CNBD1: variants seen among roughly 807,000 people sequenced by gnomAD.
CNBD1 encodes cyclic nucleotide binding domain containing 1.
Under a neutral mutation model 54.4 loss-of-function variants are expected in CNBD1, and 71 were observed. The observed-to-expected ratio is 1.30, with a 90% confidence interval of 1.08 to 1.59. CNBD1 has a LOEUF of 1.59. CNBD1 is among the 40% of genes most tolerant of loss of function. The probability of loss-of-function intolerance (pLI) is 0.00; values close to 1 mark genes in which losing one functional copy is unlikely to be tolerated. For missense variants in CNBD1, 659 were observed against 518.0 expected, an observed-to-expected ratio of 1.27 and a Z score of -2.64; for synonymous variants, 182 against 170.7, an observed-to-expected ratio of 1.07 and a Z score of -0.51.
chr8:87,428,297 A>G (rs564025181), intron 2 of CNBD1, among the ~76,000 whole-genome samples: 1 of 152,296 alleles, frequency 6.6e-6, no homozygotes, highest in African/African-American at 2.4e-5. Flanking sequence ...GTTAAGTACT[A>G]AACAATTTCC....
rs1312284487 is a variant in CNBD1, at chr8:87,377,149, T to C, written c.1304-5471T>C. Among the ~76,000 whole-genome samples the C allele has an allele frequency of 4.0e-5, 6 of 149,440 alleles. No individual in the cohort carries two copies. The East Asian group carries it at 9.8e-4, about 24-fold the overall frequency. On this transcript the variant is annotated intron_variant, in intron 10 of 10. Coordinates refer to ENST00000518476, the MANE Select transcript of CNBD1 (RefSeq NM_173538.3). ...TTTATTTTATTTATTTTTTTATGAT[T>C]ATTATTTATATTATTATTATACTTT...
intron 4 of CNBD1, among the ~76,000 whole-genome samples, chr8:86,976,556 T>G (rs1026711510): frequency 5.9e-5 from 9 of 152,052 alleles, no homozygotes; most frequent in Non-Finnish European, 1.0e-4. Context: ...GAATAGTTTT[T>G]TTCTATTTCT....
At chr8:87,010,196 A>G (rs1809185796) in intron 4 of CNBD1, among the ~76,000 whole-genome samples, 1 of 152,106 alleles carries the variant, frequency 6.6e-6, no homozygotes, top group Non-Finnish European at 1.5e-5. Context: ...CTTCTCAAAT[A>G]TTCTTCCTAC....
At chr8:87,342,673 G>C (rs1014872972) in intron 8 of CNBD1, among the ~76,000 whole-genome samples, 8 of 151,996 alleles carry the variant, frequency 5.3e-5, no homozygotes, top group Admixed American at 5.2e-4. Context: ...ATATTGGTAG[G>C]GCCGTGATGG....
intron 1 of CNBD1, among the ~76,000 whole-genome samples, chr8:86,884,073 A>C (rs1397017305): frequency 5.3e-5 from 8 of 150,342 alleles, no homozygotes; most frequent in Non-Finnish European, 1.2e-4. Flanking sequence ...AATGGCGTGA[A>C]CCCGGGAGGC....
In CNBD1 at chr8:87,281,370, C is replaced by A. The variant is rs372954912; in HGVS notation, c.772-3308C>A. Among the ~76,000 whole-genome samples the A allele has an allele frequency of 2.0e-5, 3 of 151,026 alleles. No homozygotes were observed. In the East Asian group the frequency reaches 5.9e-4, roughly 29 times the overall value. ...CATCACTATCCCCTGAACATATGAACCATATCAGCCTGACATGTATGCTTG... is the reference window on the plus strand; with the variant it reads ...CATCACTATCCCCTGAACATATGAAACATATCAGCCTGACATGTATGCTTG... On this transcript the variant is annotated intron_variant, in intron 6 of 10. Transcript: ENST00000518476.
chr8:87,266,130 A>T (rs886316736), intron 6 of CNBD1, among the ~76,000 whole-genome samples: 6 of 152,032 alleles, frequency 3.9e-5, no homozygotes, highest in Non-Finnish European at 8.8e-5. Context: ...GAAACATTCA[A>T]TATCTTAAAG....
intron 4 of CNBD1, among the ~76,000 whole-genome samples, chr8:87,132,970 C>A (rs2130728630): frequency 6.6e-6 from 1 of 151,376 alleles, no homozygotes; most frequent in South Asian, 2.1e-4. Flanking sequence ...CTAAATTGAA[C>A]AATATTTATT....
At chr8:87,260,652 G>A (rs536285492) in intron 6 of CNBD1, among the ~76,000 whole-genome samples, 97 of 152,070 alleles carry the variant, frequency 6.4e-4, no homozygotes, top group African/African-American at 2.2e-3. Flanking sequence ...CAGGTTTCTG[G>A]GTTTTCTTTC....
At chr8:86,951,581 CAAAAAAAAAAAAAAA>C (rs71275901) in intron 4 of CNBD1, among the ~76,000 whole-genome samples, 1,008 of 37,260 alleles carry the variant, frequency 0.027, 5 homozygotes, top group African/African-American at 0.064. Flanking sequence ...CTCCGTCTCA[CAAAAAAAAAAAAAAA>C]AAAAAAAAAA....
At chr8:87,293,285 C>T (rs1226033169) in intron 8 of CNBD1, among the ~76,000 whole-genome samples, 11 of 152,020 alleles carry the variant, frequency 7.2e-5, no homozygotes, top group Non-Finnish European at 1.6e-4. Flanking sequence ...TGGCTCACAC[C>T]CATATCCTGG....
chr8:87,048,187 G>A (rs1810240523), intron 4 of CNBD1, among the ~76,000 whole-genome samples: 1 of 152,076 alleles, frequency 6.6e-6, no homozygotes, highest in South Asian at 2.1e-4. Context: ...AAGTCTTCTG[G>A]GTTAAATAAG....
intron 10 of CNBD1, among the ~76,000 whole-genome samples, chr8:87,374,599 G>A (rs1393232730): frequency 1.3e-5 from 2 of 151,730 alleles, no homozygotes; most frequent in African/African-American, 4.8e-5. Flanking sequence ...ACTGGGGCAC[G>A]TTAAATTTCC....
intron 6 of CNBD1, among the ~76,000 whole-genome samples, chr8:87,274,466 A>C (rs1317487833): frequency 1.4e-5 from 2 of 148,126 alleles, no homozygotes; most frequent in Non-Finnish European, 3.0e-5. Flanking sequence ...CGCCATTCTA[A>C]CTGGTGTGAG....
intron 4 of CNBD1, among the ~76,000 whole-genome samples, chr8:86,947,414 A>T (rs1807493807): frequency 6.6e-6 from 1 of 152,082 alleles, no homozygotes; most frequent in Non-Finnish European, 1.5e-5. Context: ...GAGCCACTAA[A>T]TTGGGCTCAT....
intron 4 of CNBD1, among the ~76,000 whole-genome samples, chr8:87,147,929 G>T (rs1051460659): frequency 2.6e-5 from 4 of 151,972 alleles, no homozygotes; most frequent in Non-Finnish European, 5.9e-5. Context: ...CATATCTTTA[G>T]TATAAATTAT....
intron 8 of CNBD1, among the ~76,000 whole-genome samples, chr8:87,318,127 G>A (rs1416056362): frequency 1.3e-5 from 2 of 151,608 alleles, no homozygotes; most frequent in Non-Finnish European, 2.9e-5. Flanking sequence ...TGGGATATGT[G>A]TTTGATAATG....
rs539334305 is a variant in CNBD1 at position 87,075,205 on chromosome 8, A to G, written c.432-130788A>G. ...CTCTTTTATTTGTATATCCTCAATT[A>G]CTAGTGAGGTAAATCATATAGGATG... On this transcript the variant is annotated intron_variant, in intron 4 of 10. Coordinates refer to ENST00000518476, the MANE Select transcript of CNBD1 (RefSeq NM_173538.3). 2.0e-5 allele frequency among the ~76,000 whole-genome samples: 3 copies of G among 152,318 alleles called. No homozygotes were observed. In the South Asian group the frequency reaches 6.2e-4, roughly 32 times the overall value.
chr8:87,348,880 A>T (rs1449380917), intron 8 of CNBD1, among the ~76,000 whole-genome samples: 2 of 152,194 alleles, frequency 1.3e-5, no homozygotes, highest in Non-Finnish European at 2.9e-5. Context: ...AAAGAAAAGG[A>T]ACAAGGCCTG....
Sources: gnomAD v4.1 joint callset for allele counts (sites outside exome capture counted in the v4.1 genomes callset) on GRCh38, gnomAD v4.1.1 for gene constraint, MANE v1.5 for transcripts, NCBI Gene and HGNC (gene_info 2026-07-23, HGNC 2026-07-21) for gene names.